TPP2: variants seen among roughly 807,000 people sequenced by gnomAD.
TPP2 encodes tripeptidyl peptidase 2, also known as tripeptidyl-peptidase 2.
TPP2 carries 34 observed loss-of-function variants against 155.9 expected under a neutral mutation model. That is an observed-to-expected ratio of 0.22 (90% CI 0.17 to 0.29). The LOEUF is 0.29. Ranked by LOEUF, TPP2 falls within the 10% of genes least tolerant of loss-of-function variation. The probability of loss-of-function intolerance (pLI) is 1.00; values close to 1 mark genes in which losing one functional copy is unlikely to be tolerated. For synonymous variants in TPP2, 510 were observed against 529.4 expected (o/e 0.96, Z 0.50); for missense variants, 1,028 against 1,522.3 (o/e 0.68, Z 5.40).
intron 7 of TPP2, 47 bp from the exon 8 acceptor site, chr13:102,627,801 G>T: frequency 7.1e-7 from 1 of 1,417,812 alleles, no homozygotes; most frequent in Non-Finnish European, 9.9e-7. Flanking sequence ...TGGCTAATCT[G>T]TTTCTGTAAA....
intron 15 of TPP2, 95 bp from the exon 16 acceptor site, chr13:102,640,175 C>T (rs1882658636): frequency 2.1e-6 from 2 of 950,448 alleles, no homozygotes; most frequent in Admixed American, 2.7e-5. Context: ...TGTTTATTTC[C>T]AATGAATTGT....
chr13:102,667,165 T>A (rs1014967285), intron 27 of TPP2, among the ~76,000 whole-genome samples: 6 of 151,884 alleles, frequency 4.0e-5, no homozygotes, highest in African/African-American at 1.5e-4. Context: ...TTGCTTTCTC[T>A]TAAATCAGTA....
At chr13:102,615,619 C>T (rs912433421) in intron 3 of TPP2, among the ~76,000 whole-genome samples, 8 of 152,002 alleles carry the variant, frequency 5.3e-5, no homozygotes, top group African/African-American at 1.9e-4. Flanking sequence ...AGAACCCTAT[C>T]AAGTCAAAGA....
chr13:102,664,574 A>G (rs540620534), intron 26 of TPP2, among the ~76,000 whole-genome samples: 3 of 152,308 alleles, frequency 2.0e-5, no homozygotes, highest in Admixed American at 6.5e-5. Flanking sequence ...GGGAATGTAA[A>G]TAAGGTATTT....
intron 27 of TPP2, chr13:102,667,682 A>C (rs2139601454): frequency 1.2e-6 from 1 of 867,052 alleles, no homozygotes; most frequent in East Asian, 1.2e-4. Context: ...TGATAAGAGG[A>C]TGCTAAAATA....
chr13:102,611,011 G>T (rs1166768199), intron 2 of TPP2, among the ~76,000 whole-genome samples: 1 of 152,042 alleles, frequency 6.6e-6, no homozygotes, highest in African/African-American at 2.4e-5. Context: ...AAAATATATT[G>T]TTTAGTTTTG....
At chr13:102,678,085 A>C (rs1420427563) in intron 29 of TPP2, 142 bp from the exon 30 acceptor site, 1 of 778,962 alleles carries the variant, frequency 1.3e-6, no homozygotes, top group Non-Finnish European at 1.9e-6. Flanking sequence ...AGGAGGATCA[A>C]TGGGTGGGTG....
intron 2 of TPP2, among the ~76,000 whole-genome samples, chr13:102,613,388 T>C (rs1481953090): frequency 6.6e-6 from 1 of 152,214 alleles, no homozygotes; most frequent in Non-Finnish European, 1.5e-5. Context: ...TTTATACATA[T>C]TTAAAAGCTG....
rs951137168 is a variant in TPP2, at chr13:102,637,137, T to G, written c.1734T>G (p.Ser578=). Residue 578 remains serine, a synonymous_variant, in exon 14 of 30, where the codon TCT becomes TCG. Transcript: ENST00000376052. ...QLHLALTSNS[S]WVQCPSHLEL... Reference sequence around the variant, plus strand: ...ATTTAGCTCTGACTTCAAATTCATCTTGGGTTCAGTGTCCCAGCCATTTGG... The same window carrying G: ...ATTTAGCTCTGACTTCAAATTCATCGTGGGTTCAGTGTCCCAGCCATTTGG... 3 of 1,612,708 alleles carry G rather than the reference T, an allele frequency of 1.9e-6. No homozygotes were observed. Among genetic ancestry groups the G allele is most frequent in the African/African-American group, 2.7e-5 (2 of 74,878 alleles).
chr13:102,655,007 C>T (rs756913444), intron 24 of TPP2: 13 of 509,990 alleles, frequency 2.5e-5, no homozygotes, highest in African/African-American at 1.5e-4. Context: ...TCATGTTTCA[C>T]GTGAGGCCTT....
intron 5 of TPP2, among the ~76,000 whole-genome samples, chr13:102,621,071 A>G (rs1165972303): frequency 6.6e-6 from 1 of 152,214 alleles, no homozygotes; most frequent in Non-Finnish European, 1.5e-5. Context: ...TCAGTCAACT[A>G]GACCTTCAGA....
chr13:102,614,071 A>C, intron 2 of TPP2, 30 bp from the exon 3 acceptor site: 1 of 1,594,836 alleles, frequency 6.3e-7, no homozygotes, highest in Non-Finnish European at 8.6e-7. Flanking sequence ...CATTTAGTGA[A>C]TGAACAGGTT....
Position 102,644,683 on chromosome 13 carries a change from A to G in TPP2, c.2292+10A>G, listed in dbSNP as rs1430204166. 5 of 1,582,792 alleles carry G rather than the reference A, an allele frequency of 3.2e-6. No individual in the cohort carries two copies. Among genetic ancestry groups the G allele is most frequent in the African/African-American group, 1.4e-5 (1 of 73,552 alleles). ...TCCTCAGTTAAACATTGTAAGTTCC[A>G]CAACATTTTCATGATTTTTAATGTC... is the stretch of plus-strand genomic sequence containing the variant. On this transcript the variant is annotated intron_variant, in intron 18 of 29. Coordinates refer to ENST00000376052, the MANE Select transcript of TPP2 (RefSeq NM_001330588.2).
chr13:102,619,444 A>C (rs1880991776), intron 5 of TPP2, among the ~76,000 whole-genome samples: 3 of 152,174 alleles, frequency 2.0e-5, no homozygotes, highest in South Asian at 2.1e-4. Flanking sequence ...CTGCAAAAAA[A>C]AAACAAACAA....
At chr13:102,628,045 T>A in intron 8 of TPP2, 121 bp downstream of exon 8, 1 of 776,154 alleles carries the variant, frequency 1.3e-6, no homozygotes, top group Non-Finnish European at 2.1e-6. Flanking sequence ...GGTTAGATGA[T>A]AACTGTGTTC....
At chr13:102,636,421 G>A (rs1262977902) in intron 13 of TPP2, 29 bp downstream of exon 13, 24 of 1,592,862 alleles carry the variant, frequency 1.5e-5, no homozygotes, top group African/African-American at 4.0e-5. Flanking sequence ...GTAAGCTGAC[G>A]TATTCACATT....
At position 102,679,848 on chromosome 13, in the gene TPP2, G is replaced by A. The variant is rs1885517196; in HGVS notation, c.*1532G>A. Reference sequence around the variant, plus strand: ...TTACAGACCTTGCTTTACAACCCAGGTTTTGCTATTTCAGGTAAGTACTAC... The same window carrying A: ...TTACAGACCTTGCTTTACAACCCAGATTTTGCTATTTCAGGTAAGTACTAC... On this transcript the variant is annotated 3_prime_UTR_variant, in exon 30 of 30. Transcript: ENST00000376052. 6.6e-6 allele frequency: 1 copy of A among 152,164 alleles called. No homozygotes were observed. Among genetic ancestry groups the A allele is most frequent in the Admixed American group, 6.5e-5 (1 of 15,280 alleles). 9.4% of individuals were successfully genotyped at this position (152,164 alleles called of 1,614,324 possible).
chr13:102,600,972 C>G (rs916151501), intron 1 of TPP2, among the ~76,000 whole-genome samples: 2 of 151,948 alleles, frequency 1.3e-5, no homozygotes, highest in Non-Finnish European at 2.9e-5. Context: ...CTCATTTCAG[C>G]CTCAAACTCC....
rs116713759 is a variant in TPP2, at chr13:102,598,969, G to A, written c.165+1766G>A. Among the ~76,000 whole-genome samples the A allele has an allele frequency of 5.2e-3, 793 of 152,252 alleles. 6 individuals are homozygous for A. Among genetic ancestry groups the A allele is most frequent in the African/African-American group, 0.018 (739 of 41,552 alleles). On this transcript the variant is annotated intron_variant, in intron 1 of 29. Transcript: ENST00000376052. Reference sequence around the variant, plus strand: ...ATATATAATTTCAACTTTTATTTTAGATTCAGAAGGTAGAAGTACAGGTTT... The same window carrying A: ...ATATATAATTTCAACTTTTATTTTAAATTCAGAAGGTAGAAGTACAGGTTT...
Sources: gnomAD v4.1 joint callset for allele counts (sites outside exome capture counted in the v4.1 genomes callset) on GRCh38, gnomAD v4.1.1 for gene constraint, MANE v1.5 for transcripts, NCBI Gene and HGNC (gene_info 2026-07-23, HGNC 2026-07-21) for gene names.